The following TRHDE variants were observed in gnomAD, a reference collection of about 807,000 sequenced individuals.
TRHDE encodes thyrotropin-releasing hormone-degrading ectoenzyme.
Under a neutral mutation model 125.7 loss-of-function variants are expected in TRHDE, and 72 were observed. The observed-to-expected ratio is 0.57, with a 90% confidence interval of 0.47 to 0.70. TRHDE has a LOEUF of 0.70. TRHDE is among the 30% of genes least tolerant of loss of function. The pLI, the probability that TRHDE is intolerant of heterozygous loss-of-function variation, is 0.00. For synonymous variants in TRHDE, 509 were observed against 509.1 expected (o/e 1.00, Z 0.00); for missense variants, 1,110 against 1,327.1 (o/e 0.84, Z 2.54).
At chr12:72,515,670 C>T (rs1878815674) in intron 6 of TRHDE, among the ~76,000 whole-genome samples, 1 of 151,906 alleles carries the variant, frequency 6.6e-6, no homozygotes, top group South Asian at 2.1e-4. Flanking sequence ...TCAATTTTGG[C>T]TTTTGTTGCC....
At chr12:72,565,427 T>C (rs1167930061) in intron 9 of TRHDE, among the ~76,000 whole-genome samples, 1 of 152,208 alleles carries the variant, frequency 6.6e-6, no homozygotes, top group Non-Finnish European at 1.5e-5. Flanking sequence ...TTTACATAAC[T>C]GAATAGTCAC....
At chr12:72,131,065 A>ATTTTTTT (rs757285511) in intron 2 of TRHDE, among the ~76,000 whole-genome samples, 13 of 105,468 alleles carry the variant, frequency 1.2e-4, no homozygotes, top group Non-Finnish European at 1.5e-4. Context: ...ACTTAATGTA[A>ATTTTTTT]TTTTTTTTTT....
chr12:72,286,160 A>G (rs181935112), intron 1 of TRHDE, among the ~76,000 whole-genome samples: 1 of 152,382 alleles, frequency 6.6e-6, no homozygotes, highest in Admixed American at 6.5e-5. Context: ...GCCAGAATTC[A>G]GACCAGAATT....
chr12:72,143,165 T>C (rs1876155264), intron 2 of TRHDE, among the ~76,000 whole-genome samples: 1 of 152,164 alleles, frequency 6.6e-6, no homozygotes, highest in South Asian at 2.1e-4. Flanking sequence ...AAAGCACTCA[T>C]CCTGGCCTCT....
At chr12:72,545,985 A>G (rs573076984) in intron 7 of TRHDE, among the ~76,000 whole-genome samples, 4 of 151,768 alleles carry the variant, frequency 2.6e-5, no homozygotes, top group African/African-American at 4.8e-5. Flanking sequence ...GAGAAGAGCC[A>G]ACATCCTCCT....
chr12:72,542,311 G>T lies in TRHDE; in HGVS notation c.1743G>T (p.Met581Ile), dbSNP rs1292355493. ...AYKKGAALIRMLANFMGHSVF... is the reference protein window; with the variant it reads ...AYKKGAALIRILANFMGHSVF... ...TATAGGGTGCTGCTTTAATAAGAAT[G>T]CTGGCTAATTTTATGGGCCATTCAG... Residue 581 changes from methionine to isoleucine, a missense_variant, in exon 7 of 19, where the codon ATG becomes ATT. By Grantham distance (10) the Met-to-Ile change is conservative. Transcript: ENST00000261180. 6.2e-7 allele frequency: 1 copy of T among 1,604,054 alleles called. No homozygotes were observed. Among genetic ancestry groups the T allele is most frequent in the Non-Finnish European group, 8.5e-7 (1 of 1,173,838 alleles).
chr12:72,430,139 T>C (rs567236187), intron 3 of TRHDE, among the ~76,000 whole-genome samples: 1 of 151,160 alleles, frequency 6.6e-6, no homozygotes, highest in East Asian at 1.9e-4. Flanking sequence ...CTTATGTTTA[T>C]GTCTATAATC....
At chr12:72,600,977 T>C (rs1469489335) in intron 12 of TRHDE, among the ~76,000 whole-genome samples, 1 of 152,120 alleles carries the variant, frequency 6.6e-6, no homozygotes, top group Non-Finnish European at 1.5e-5. Flanking sequence ...ATTTTGACTT[T>C]TAAGTCTTAT....
intron 3 of TRHDE, among the ~76,000 whole-genome samples, chr12:72,429,653 T>C (rs1030466659): frequency 6.6e-6 from 1 of 152,058 alleles, no homozygotes; most frequent in Non-Finnish European, 1.5e-5. Flanking sequence ...CCACCAGTAT[T>C]GAGGGTTCCA....
chr12:72,099,713 T>C (rs1875023392), intron 1 of TRHDE, among the ~76,000 whole-genome samples: 1 of 152,196 alleles, frequency 6.6e-6, no homozygotes, highest in African/African-American at 2.4e-5. Context: ...TAGACTTAAA[T>C]CTAGTGAAAC....
intron 2 of TRHDE, among the ~76,000 whole-genome samples, chr12:72,138,852 A>C (rs1037641715): frequency 9.9e-5 from 15 of 152,182 alleles, no homozygotes; most frequent in African/African-American, 2.7e-4. Flanking sequence ...TCCCATTTTC[A>C]ATGGTCCCGA....
intron 7 of TRHDE, among the ~76,000 whole-genome samples, chr12:72,556,451 G>C (rs1869926636): frequency 6.6e-6 from 1 of 152,204 alleles, no homozygotes; most frequent in South Asian, 2.1e-4. Flanking sequence ...CAGGAGTGAA[G>C]GTTTAGCTGT....
In TRHDE at chr12:72,226,185, TGA is replaced by T. The variant is rs1428000561; in HGVS notation, n.279+120437_279+120438del. Among the ~76,000 whole-genome samples, 3 of 152,278 alleles carry T rather than the reference TGA, an allele frequency of 2.0e-5. No homozygotes were observed. The East Asian group carries it at 5.8e-4, about 29-fold the overall frequency. On this transcript the variant is annotated intron_variant and non_coding_transcript_variant, in intron 2 of 4. Transcript: ENST00000548156. ...TCCCACGGGTCTTTATAAGCTTCTG[TGA>T]GAGGGAAGGAAGCCATTTAAAATGA...
upstream of TRHDE, among the ~76,000 whole-genome samples, chr12:72,269,615 G>C (rs776016859): frequency 6.6e-6 from 1 of 152,112 alleles, no homozygotes; most frequent in Non-Finnish European, 1.5e-5. Flanking sequence ...TGAGGGAAAG[G>C]GGAAAGATGA....
intron 2 of TRHDE, among the ~76,000 whole-genome samples, chr12:72,142,725 G>C (rs1876144290): frequency 6.6e-6 from 1 of 152,078 alleles, no homozygotes; most frequent in African/African-American, 2.4e-5. Flanking sequence ...TAGCAGACCA[G>C]CAGATGGATG....
intron 2 of TRHDE, among the ~76,000 whole-genome samples, chr12:72,330,839 G>A (rs978608411): frequency 1.3e-5 from 2 of 152,036 alleles, no homozygotes; most frequent in East Asian, 3.9e-4. Context: ...TTAGAACAGC[G>A]CTTCTCAAAC....
intron 3 of TRHDE, among the ~76,000 whole-genome samples, chr12:72,414,819 A>G (rs1031966734): frequency 7.9e-5 from 12 of 152,160 alleles, no homozygotes; most frequent in African/African-American, 2.9e-4. Flanking sequence ...ATCTCTTTAC[A>G]TACATTAAAC....
intron 2 of TRHDE, among the ~76,000 whole-genome samples, chr12:72,322,144 T>C (rs1164901353): frequency 6.6e-6 from 1 of 152,138 alleles, no homozygotes; most frequent in Non-Finnish European, 1.5e-5. Flanking sequence ...CTCAAAGACA[T>C]GAACAGAATG....
upstream of TRHDE, chr12:72,271,806 C>T (rs1004997633): frequency 2.4e-6 from 1 of 419,554 alleles, no homozygotes; most frequent in African/African-American, 2.0e-5. Flanking sequence ...ATGGAGCAAA[C>T]CCAGAGCTTC....
Sources: allele counts gnomAD v4.1 joint callset (sites outside exome capture counted in the v4.1 genomes callset), GRCh38; gene constraint gnomAD v4.1.1; transcripts MANE v1.5; gene names NCBI Gene and HGNC (gene_info 2026-07-23, HGNC 2026-07-21).